Variants in PRKN observed in about 807,000 individuals in gnomAD.
PRKN encodes parkin RBR E3 ubiquitin protein ligase.
A neutral mutation model predicts 59.5 loss-of-function variants in PRKN; 56 were observed. The observed-to-expected ratio is 0.94, with a 90% confidence interval of 0.76 to 1.18. The LOEUF (loss-of-function observed/expected upper bound fraction) is 1.18. Ranked by LOEUF, PRKN falls within the 50% of genes most tolerant of loss-of-function variation. PRKN has a pLI of 0.00. For synonymous variants in PRKN, 250 were observed against 222.1 expected, an observed-to-expected ratio of 1.13 and a Z score of -1.12; for missense variants, 657 against 596.4, an observed-to-expected ratio of 1.10 and a Z score of -1.06.
chr6:161,992,353 G>T (rs1010362368), intron 5 of PRKN, among the ~76,000 whole-genome samples: 3 of 152,004 alleles, frequency 2.0e-5, no homozygotes, highest in African/African-American at 7.3e-5. Context: ...AAAAGAGAGA[G>T]AGAGACAAAG....
At chr6:162,370,607 T>C (rs12212933) in intron 2 of PRKN, among the ~76,000 whole-genome samples, 53,647 of 152,018 alleles carry the variant, frequency 0.35, 9,907 homozygotes, top group East Asian at 0.64. Flanking sequence ...CTTGGAGAAA[T>C]GAACTTACAA....
At chr6:162,574,430 T>C (rs1357114708) in intron 1 of PRKN, among the ~76,000 whole-genome samples, 1 of 152,202 alleles carries the variant, frequency 6.6e-6, no homozygotes, top group Non-Finnish European at 1.5e-5. Flanking sequence ...ATTTACATCA[T>C]GATATTCTTA....
At position 162,241,293 on chromosome 6, in the gene PRKN, C is replaced by T. The variant is rs1763386512; in HGVS notation, c.412+21232G>A. On this transcript the variant is annotated intron_variant, in intron 3 of 11. Coordinates refer to ENST00000366898, the MANE Select transcript of PRKN (RefSeq NM_004562.3). The stretch of plus-strand genomic sequence containing the variant: ...AGAATGTTATTGTAAGTAAATAGCA[C>T]CAAATCTTAAGGATACAATATATAA... 3.9e-5 allele frequency among the ~76,000 whole-genome samples: 6 copies of T among 151,978 alleles called. 1 individual carries two copies. Among genetic ancestry groups the T allele is most frequent in the African/African-American group, 9.7e-5 (4 of 41,388 alleles).
chr6:162,498,455 T>G (rs1320937964), intron 1 of PRKN, among the ~76,000 whole-genome samples: 2 of 123,488 alleles, frequency 1.6e-5, no homozygotes, highest in Admixed American at 8.4e-5. Flanking sequence ...TTTTTTTTTT[T>G]TTTTTTTGAG....
intron 9 of PRKN, among the ~76,000 whole-genome samples, chr6:161,465,944 A>G (rs1790443478): frequency 6.6e-6 from 1 of 152,122 alleles, no homozygotes; most frequent in African/African-American, 2.4e-5. Flanking sequence ...ATTAGGTATA[A>G]TTGATAAATA....
At position 161,354,690 on chromosome 6, in the gene PRKN, C is replaced by T. The variant is rs777659960; in HGVS notation, c.1286-4479G>A. Reference sequence around the variant, plus strand: ...ACACAGCTGAGTATGTAACAGGCCACGAACCTTGGTGACAACCAGGTAACA... The same window carrying T: ...ACACAGCTGAGTATGTAACAGGCCATGAACCTTGGTGACAACCAGGTAACA... On this transcript the variant is annotated intron_variant, in intron 11 of 11. Coordinates refer to ENST00000366898, the MANE Select transcript of PRKN (RefSeq NM_004562.3). This position sits in a 1 kb window ranked among gnomAD's most constrained non-coding sequence, Gnocchi z 6.7. 2.0e-5 allele frequency among the ~76,000 whole-genome samples: 3 copies of T among 152,166 alleles called. No homozygotes were observed. The highest frequency in any genetic ancestry group is 2.9e-5 in the Non-Finnish European group (2 of 68,022).
At chr6:161,806,674 G>C (rs1791339797) in intron 6 of PRKN, among the ~76,000 whole-genome samples, 1 of 152,164 alleles carries the variant, frequency 6.6e-6, no homozygotes, top group Non-Finnish European at 1.5e-5. Context: ...CTCCAATGCA[G>C]GATGCAAGAC....
intron 7 of PRKN, among the ~76,000 whole-genome samples, chr6:161,780,213 T>C (rs940901785): frequency 1.3e-5 from 2 of 152,218 alleles, no homozygotes; most frequent in Non-Finnish European, 2.9e-5. Context: ...TATAGTAAGA[T>C]TCAGAGCCAG....
chr6:162,655,304 G>C (rs557465541), intron 1 of PRKN, among the ~76,000 whole-genome samples: 2 of 152,208 alleles, frequency 1.3e-5, no homozygotes, highest in East Asian at 1.9e-4. Flanking sequence ...AATTTCCTTG[G>C]TAGTTTTTTG....
rs1005324029 is a variant in PRKN at position 161,582,312 on chromosome 6, T to C, written c.872-12896A>G. On this transcript the variant is annotated intron_variant, in intron 7 of 11. Coordinates refer to ENST00000366898, the MANE Select transcript of PRKN (RefSeq NM_004562.3). The surrounding 1 kb of genome is among the most constrained non-coding windows in gnomAD (Gnocchi z 4.4). ...AAACATTGAGATTACCTTGAAACAA[T>C]TTAGAGTCTCTAAAGTTGAAAGTTC... 1.3e-5 allele frequency among the ~76,000 whole-genome samples: 2 copies of C among 152,158 alleles called. No homozygotes were observed. The highest frequency in any genetic ancestry group is 4.8e-5 in the African/African-American group (2 of 41,434).
rs1431706966 is a variant in PRKN at position 161,396,009 on chromosome 6, G to T, written c.1084-9132C>A. Among the ~76,000 whole-genome samples the T allele has an allele frequency of 6.6e-6, 1 of 152,134 alleles. No individual in the cohort carries two copies. Among genetic ancestry groups the T allele is most frequent in the Non-Finnish European group, 1.5e-5 (1 of 67,992 alleles). ...AGCTTCCCTCACTTGTGGCTGTGTC[G>T]TGAGCCTCAGCTTTGCAGACTTGGC... On this transcript the variant is annotated intron_variant, in intron 9 of 11. Coordinates refer to ENST00000366898, the MANE Select transcript of PRKN (RefSeq NM_004562.3). The surrounding 1 kb of genome is among the most constrained non-coding windows in gnomAD (Gnocchi z 5.4).
intron 4 of PRKN, among the ~76,000 whole-genome samples, chr6:162,096,682 G>A (rs1036570376): frequency 6.6e-6 from 1 of 151,834 alleles, no homozygotes; most frequent in African/African-American, 2.4e-5. Context: ...ATTCTCTTTT[G>A]CCTGCCGCCA....
chr6:162,218,902 G>T (rs1309630046), intron 3 of PRKN, among the ~76,000 whole-genome samples: 1 of 152,126 alleles, frequency 6.6e-6, no homozygotes, highest in East Asian at 1.9e-4. Flanking sequence ...ACCTCGGCAT[G>T]GTGGCTCACA....
intron 2 of PRKN, among the ~76,000 whole-genome samples, chr6:162,298,254 G>C (rs965027412): frequency 2.6e-5 from 4 of 151,918 alleles, no homozygotes; most frequent in Non-Finnish European, 5.9e-5. Context: ...CTCTGGTTCC[G>C]GTGGGGACTG....
intron 7 of PRKN, among the ~76,000 whole-genome samples, chr6:161,684,074 A>T (rs1785468493): frequency 6.6e-6 from 1 of 152,180 alleles, no homozygotes; most frequent in Non-Finnish European, 1.5e-5. Flanking sequence ...AAAAAGATAT[A>T]TTCAAAATAA....
chr6:161,708,984 C>T (rs902771094), intron 7 of PRKN, among the ~76,000 whole-genome samples: 1 of 152,202 alleles, frequency 6.6e-6, no homozygotes, highest in Admixed American at 6.5e-5. Context: ...AGCCACTAGC[C>T]ACCTATGACA....
intron 6 of PRKN, among the ~76,000 whole-genome samples, chr6:161,904,673 T>A (rs1349396892): frequency 6.6e-6 from 1 of 152,154 alleles, no homozygotes; most frequent in Non-Finnish European, 1.5e-5. Context: ...GGTGGGCCTC[T>A]GTGAAAGCCT....
intron 6 of PRKN, among the ~76,000 whole-genome samples, chr6:161,850,998 A>G (rs1429723249): frequency 6.6e-6 from 1 of 152,184 alleles, no homozygotes; most frequent in African/African-American, 2.4e-5. Context: ...TGATCTTCCA[A>G]TGCCCCAGTA....
intron 1 of PRKN, among the ~76,000 whole-genome samples, chr6:162,527,764 T>C: frequency 6.6e-6 from 1 of 152,134 alleles, no homozygotes; most frequent in East Asian, 1.9e-4. Flanking sequence ...GCAATATAGC[T>C]CTCATCAGCA....
Sources: gnomAD v4.1 joint callset for allele counts (sites outside exome capture counted in the v4.1 genomes callset) on GRCh38, gnomAD v4.1.1 for gene constraint, Gnocchi (gnomAD v3.1) non-coding constraint, MANE v1.5 for transcripts, NCBI Gene and HGNC (gene_info 2026-07-23, HGNC 2026-07-21) for gene names.